The following SYCP2 variants were observed in gnomAD, a reference collection of about 807,000 sequenced individuals.
The protein encoded by SYCP2 is synaptonemal complex lateral element protein.
A neutral mutation model predicts 211.3 loss-of-function variants in SYCP2; 55 were observed. The observed-to-expected ratio is 0.26, with a 90% CI of 0.21 to 0.33. The LOEUF (loss-of-function observed/expected upper bound fraction) is 0.33, where lower values mean the gene tolerates loss of function less well. SYCP2 is among the 10% of genes least tolerant of loss of function. The probability of loss-of-function intolerance (pLI) is 1.00; values close to 1 mark genes in which losing one functional copy is unlikely to be tolerated. For synonymous variants in SYCP2, 570 were observed against 555.2 expected (o/e 1.03, Z -0.37); for missense variants, 1,731 against 1,752.0 (o/e 0.99, Z 0.21).
intron 15 of SYCP2, among the ~76,000 whole-genome samples, chr20:59,904,259 T>C (rs571055446): frequency 1.3e-5 from 2 of 152,246 alleles, no homozygotes; most frequent in African/African-American, 4.8e-5. Flanking sequence ...TCCTCAGGCA[T>C]ATACTCAGTG....
At chr20:59,919,093 A>G in intron 7 of SYCP2, 65 bp downstream of exon 7, 1 of 894,922 alleles carries the variant, frequency 1.1e-6, no homozygotes, top group South Asian at 1.5e-5. Context: ...TGGGAATTGT[A>G]AAATTATACT....
intron 2 of SYCP2, among the ~76,000 whole-genome samples, chr20:59,926,181 A>T (rs1568989679): frequency 6.6e-6 from 1 of 152,106 alleles, no homozygotes. Context: ...CTGCCTCTGT[A>T]ACAAGAAGAA....
At chr20:59,914,636 G>A (rs1387990403) in intron 10 of SYCP2, among the ~76,000 whole-genome samples, 1 of 151,900 alleles carries the variant, frequency 6.6e-6, no homozygotes, top group Non-Finnish European at 1.5e-5. Flanking sequence ...TTTAAACCAT[G>A]ATTTATTCTA....
In SYCP2 at chr20:59,869,972, A is replaced by T. The variant is rs1226724843; in HGVS notation, c.3567T>A (p.Thr1189=). 1 of 1,594,830 alleles carries T rather than the reference A, an allele frequency of 6.3e-7. No individual in the cohort carries two copies. Among genetic ancestry groups the T allele is most frequent in the South Asian group, 1.1e-5 (1 of 88,768 alleles). The part of the protein sequence containing the change: ...IPRPLFLPRH[T]PTKSNTIVNR... ...TTACAATAGTATTACTCTTAGTTGG[A>T]GTATGTCTGGGCTATGAATGAAGAC... Residue 1189 remains threonine (T), a synonymous_variant, in exon 36 of 45, where the codon ACT becomes ACA. Transcript: ENST00000357552.
At chr20:59,914,576 CAA>C (rs1354338404) in intron 10 of SYCP2, among the ~76,000 whole-genome samples, 3 of 151,964 alleles carry the variant, frequency 2.0e-5, no homozygotes, top group Non-Finnish European at 4.4e-5. Context: ...CTGTAAGTTA[CAA>C]AGTCTGTTTT....
intron 44 of SYCP2, among the ~76,000 whole-genome samples, chr20:59,864,913 C>G (rs1049619998): frequency 6.6e-6 from 1 of 151,976 alleles, no homozygotes; most frequent in African/African-American, 2.4e-5. Flanking sequence ...CAGGTCCATC[C>G]ACATTTCCCC....
chr20:59,876,804 GTA>G (rs1396160098), intron 33 of SYCP2, among the ~76,000 whole-genome samples: 1 of 151,976 alleles, frequency 6.6e-6, no homozygotes, highest in Non-Finnish European at 1.5e-5. Flanking sequence ...AGTAATATAA[GTA>G]TATATATTTT....
At chr20:59,930,935 T>C (rs2060727585) in intron 2 of SYCP2, among the ~76,000 whole-genome samples, 1 of 152,248 alleles carries the variant, frequency 6.6e-6, no homozygotes, top group South Asian at 2.1e-4. Flanking sequence ...CCTTAGATCA[T>C]GGCTGTCAAT....
At chr20:59,909,783 G>A (rs6071025) in intron 14 of SYCP2, among the ~76,000 whole-genome samples, 2,950 of 152,270 alleles carry the variant, frequency 0.019, 40 homozygotes, top group Middle Eastern at 0.041. Context: ...ATGCGGGAAA[G>A]CAGACAACAA....
intron 26 of SYCP2, among the ~76,000 whole-genome samples, chr20:59,884,798 G>T (rs541457577): frequency 1.3e-5 from 2 of 151,850 alleles, no homozygotes; most frequent in African/African-American, 2.4e-5. Flanking sequence ...ATACAAAGAT[G>T]AGCACAAAAA....
At position 59,892,018 on chromosome 20, in the gene SYCP2, T is replaced by G; in HGVS notation, c.2336A>C (p.Asn779Thr). ...TTTTTTTTGTTTCGAATCCCAGGAATTAAGCTCAGAAGTCAATTCTTTCTC... is the reference window on the plus strand; with the variant it reads ...TTTTTTTTGTTTCGAATCCCAGGAAGTAAGCTCAGAAGTCAATTCTTTCTC... The part of the protein sequence containing the change: ...KAEKELTSEL[N>T]SWDSKQKKMR... Residue 779 changes from asparagine (N) to threonine (T), a missense_variant, in exon 24 of 45, where the codon AAT becomes ACT. This residue lies in a region of SYCP2 where 1,387 missense variants were observed against 1,351.3 expected (regional missense o/e 1.03). Coordinates refer to ENST00000357552, the MANE Select transcript of SYCP2 (RefSeq NM_014258.4). 3 of 1,595,966 alleles carry G rather than the reference T, an allele frequency of 1.9e-6. No homozygotes were observed. The highest frequency in any genetic ancestry group is 2.6e-6 in the Non-Finnish European group (3 of 1,174,130).
rs757372359 is a variant in SYCP2, at chr20:59,868,548, G to C, written c.3853C>G (p.Arg1285Gly). 1 of 1,602,298 alleles carries C rather than the reference G, an allele frequency of 6.2e-7. No homozygotes were observed. The highest frequency in any genetic ancestry group is 8.5e-7 in the Non-Finnish European group (1 of 1,176,408). The change falls in exon 38 of 45, where the codon CGC becomes GGC. Residue 1285 changes from arginine (R) to glycine (G), a missense_variant. Coordinates refer to ENST00000357552, the MANE Select transcript of SYCP2 (RefSeq NM_014258.4). ...TTATCTTCTATATATATTCTTTTGC[G>C]ACTAAGATGTTGGGTGGGGCCTTAG... ...HVSGPTQHLS[R>G]KRIYIEDNLS...
Position 59,919,556 on chromosome 20 carries a change from A to G in SYCP2, c.339T>C (p.Ser113=), listed in dbSNP as rs1482385941. The G allele has an allele frequency of 1.2e-6, 2 of 1,610,462 alleles. No homozygotes were observed. The highest frequency in any genetic ancestry group is 3.4e-5 in the Admixed American group (2 of 59,650). The stretch of plus-strand genomic sequence containing the variant: ...CAGCTTCATCTTTTGAATTTCCTTG[A>G]CTCTGAATAATGTCCTTGGATTTTT... ...WFEKSKDIIQ[S]QGNSKDEAVL... The change falls in exon 6 of 45, where the codon AGT becomes AGC. Residue 113 remains serine, a synonymous_variant. Coordinates refer to ENST00000357552, the MANE Select transcript of SYCP2 (RefSeq NM_014258.4).
At position 59,893,240 on chromosome 20, in the gene SYCP2, G is replaced by T. The variant is rs767290380; in HGVS notation, c.1736-41C>A. 6.6e-6 allele frequency: 9 copies of T among 1,358,412 alleles called. No homozygotes were observed. In the Admixed American group the frequency reaches 1.4e-4, roughly 22 times the overall value. 84.1% of individuals were successfully genotyped at this position (1,358,412 alleles called of 1,614,324 possible). On this transcript the variant is annotated intron_variant, in intron 21 of 44. Transcript: ENST00000357552. ...ATTATAATATTTTCATTTTTTTCAT[G>T]CAGTTGGCAGGGGGATAGGGAGGTT...
chr20:59,885,030 A>G (rs979337277), intron 26 of SYCP2: 1 of 152,096 alleles, frequency 6.6e-6, no homozygotes, highest in African/African-American at 2.4e-5. Flanking sequence ...TAAGAGGGTG[A>G]GAGAGCCTAC....
chr20:59,865,961 CAGT>C (rs1183027171), intron 41 of SYCP2, 96 bp from the exon 42 acceptor site: 1 of 515,546 alleles, frequency 1.9e-6, no homozygotes, highest in Non-Finnish European at 3.3e-6. Flanking sequence ...TAAAATCCAA[CAGT>C]AGAATTACTC....
chr20:59,896,296 T>C (rs1252016181), intron 19 of SYCP2, 133 bp downstream of exon 19: 1 of 565,004 alleles, frequency 1.8e-6, no homozygotes, highest in Non-Finnish European at 3.1e-6. Flanking sequence ...TAGAAGACAT[T>C]TGTGGTTCAT....
intron 31 of SYCP2, among the ~76,000 whole-genome samples, chr20:59,879,319 C>A (rs2059620489): frequency 6.7e-6 from 1 of 148,546 alleles, no homozygotes; most frequent in African/African-American, 2.4e-5. Flanking sequence ...GATAATCCTG[C>A]TGCTTTACTT....
In SYCP2 at chr20:59,869,991, T is replaced by C; in HGVS notation, c.3556-8A>G. On this transcript the variant is annotated splice_region_variant and splice_polypyrimidine_tract_variant and intron_variant, in intron 35 of 44. Coordinates refer to ENST00000357552, the MANE Select transcript of SYCP2 (RefSeq NM_014258.4). The stretch of plus-strand genomic sequence containing the variant: ...AGTTGGAGTATGTCTGGGCTATGAA[T>C]GAAGACATACAAAAACCCAATAAGA... 2 of 1,549,342 alleles carry C rather than the reference T, an allele frequency of 1.3e-6. No homozygotes were observed.
Sources: allele counts gnomAD v4.1 joint callset (sites outside exome capture counted in the v4.1 genomes callset), GRCh38; gene constraint gnomAD v4.1.1; regional missense constraint gnomAD v4.1.1; transcripts MANE v1.5; gene names NCBI Gene and HGNC (gene_info 2026-07-23, HGNC 2026-07-21).